Variants in SUCLG2 observed in about 807,000 individuals in gnomAD.
SUCLG2 encodes the protein succinate--CoA ligase [GDP-forming] subunit beta, mitochondrial.
SUCLG2 carries 42 observed loss-of-function variants against 47.9 expected under a neutral mutation model. The observed-to-expected ratio is 0.88, with a 90% CI of 0.69 to 1.14. The LOEUF is 1.14. SUCLG2 is among the 50% of genes most tolerant of loss of function. The probability of loss-of-function intolerance (pLI) is 0.00; values close to 1 mark genes in which losing one functional copy is unlikely to be tolerated. For missense variants in SUCLG2, 571 were observed against 525.9 expected, an observed-to-expected ratio of 1.09 and a Z score of -0.84; for synonymous variants, 195 against 197.3, an observed-to-expected ratio of 0.99 and a Z score of 0.10.
intron 4 of SUCLG2, among the ~76,000 whole-genome samples, chr3:67,523,923 A>G (rs1706189393): frequency 6.6e-6 from 1 of 152,216 alleles, no homozygotes; most frequent in Non-Finnish European, 1.5e-5. Flanking sequence ...AAAAATGTTG[A>G]CAGACGTGCT....
At chr3:67,473,139 T>C (rs531279015) in intron 9 of SUCLG2, among the ~76,000 whole-genome samples, 1 of 152,186 alleles carries the variant, frequency 6.6e-6, no homozygotes, top group South Asian at 2.1e-4. Flanking sequence ...CAAATTTTAA[T>C]AGTTGTTATT....
Position 67,475,639 on chromosome 3 carries a change from A to G in SUCLG2, c.1062+20159T>C, listed in dbSNP as rs140272184. Among the ~76,000 whole-genome samples, 11 of 152,262 alleles carry G rather than the reference A, an allele frequency of 7.2e-5. 1 individual carries two copies. In the East Asian group the frequency reaches 2.1e-3, roughly 29 times the overall value. On this transcript the variant is annotated intron_variant, in intron 9 of 10. Coordinates refer to ENST00000307227, the MANE Select transcript of SUCLG2 (RefSeq NM_003848.4). ...CATTCAGGTGCTATCACCCACTATG[A>G]CATACCGACTTTACATAGGCATTTT...
chr3:67,464,148 G>C (rs767177585), intron 9 of SUCLG2, among the ~76,000 whole-genome samples: 5 of 152,132 alleles, frequency 3.3e-5, no homozygotes, highest in Non-Finnish European at 7.3e-5. Flanking sequence ...TGAAAGTGAC[G>C]GTTTTCTAAT....
intron 2 of SUCLG2, among the ~76,000 whole-genome samples, chr3:67,583,774 A>C (rs1420257389): frequency 6.6e-6 from 1 of 152,206 alleles, no homozygotes; most frequent in Middle Eastern, 3.2e-3. Flanking sequence ...TGAAGCCAAC[A>C]ATGGTACATC....
At chr3:67,470,997 A>G (rs1356283584) in intron 9 of SUCLG2, among the ~76,000 whole-genome samples, 1 of 152,274 alleles carries the variant, frequency 6.6e-6, no homozygotes, top group Admixed American at 6.5e-5. Flanking sequence ...GTGATGGGTT[A>G]CGCAAAAAGG....
At chr3:67,386,903 C>A (rs1702271533) in intron 10 of SUCLG2, among the ~76,000 whole-genome samples, 1 of 152,196 alleles carries the variant, frequency 6.6e-6, no homozygotes, top group Admixed American at 6.5e-5. Context: ...TTTGACTCTG[C>A]TGGTGTACCC....
At chr3:67,453,137 T>C (rs1704097096) in intron 9 of SUCLG2, among the ~76,000 whole-genome samples, 1 of 152,166 alleles carries the variant, frequency 6.6e-6, no homozygotes, top group African/African-American at 2.4e-5. Context: ...ACACTGAATA[T>C]CAAATATTAT....
rs1296940105 is a variant in SUCLG2, at chr3:67,550,187, T to C, written c.227-21001A>G. 7.2e-5 allele frequency among the ~76,000 whole-genome samples: 11 copies of C among 152,342 alleles called. No individual in the cohort carries two copies. The East Asian group carries it at 1.4e-3, about 19-fold the overall frequency. On this transcript the variant is annotated intron_variant, in intron 2 of 10. Transcript: ENST00000307227. ...GACCTGCTCCATGCGGGTAACATGA[T>C]TGGTCTCTGTGAGACTCAGGCCACA...
intron 1 of SUCLG2, among the ~76,000 whole-genome samples, chr3:67,646,972 C>T (rs1277138457): frequency 1.3e-5 from 2 of 152,130 alleles, no homozygotes; most frequent in Admixed American, 6.5e-5. Flanking sequence ...AGCTTCATTA[C>T]CAGGCCTACC....
intron 9 of SUCLG2, among the ~76,000 whole-genome samples, chr3:67,478,764 G>A (rs975095892): frequency 9.2e-5 from 14 of 152,152 alleles, no homozygotes; most frequent in African/African-American, 3.1e-4. Context: ...CAAAGTACAC[G>A]AGTTCCTGAG....
chr3:67,435,203 T>C (rs1466205783), intron 9 of SUCLG2, among the ~76,000 whole-genome samples: 3 of 152,210 alleles, frequency 2.0e-5, no homozygotes, highest in African/African-American at 7.2e-5. Flanking sequence ...GACTGCAGTT[T>C]GCAACCTTGT....
intron 2 of SUCLG2, among the ~76,000 whole-genome samples, chr3:67,587,223 GCT>G (rs1349765357): frequency 1.3e-5 from 2 of 152,238 alleles, no homozygotes; most frequent in East Asian, 1.9e-4. Flanking sequence ...GTGACACTCG[GCT>G]CTGTTTGCCT....
intron 9 of SUCLG2, among the ~76,000 whole-genome samples, chr3:67,431,878 A>G (rs1703493733): frequency 6.6e-6 from 1 of 152,236 alleles, no homozygotes; most frequent in African/African-American, 2.4e-5. Context: ...TAGAACTTAA[A>G]GTATAATAAA....
rs182280717 is a variant in SUCLG2 at position 67,579,932 on chromosome 3, T to A, written c.226+29523A>T. On this transcript the variant is annotated intron_variant, in intron 2 of 10. Coordinates refer to ENST00000307227, the MANE Select transcript of SUCLG2 (RefSeq NM_003848.4). ...ACAGAAAGACACATTATTAAATATTTAAGTCACAGATGTCAGTCAGTACAA... is the reference window on the plus strand; with the variant it reads ...ACAGAAAGACACATTATTAAATATTAAAGTCACAGATGTCAGTCAGTACAA... Among the ~76,000 whole-genome samples the A allele has an allele frequency of 5.3e-5, 8 of 152,256 alleles. No individual in the cohort carries two copies. In the East Asian group the frequency reaches 1.5e-3, roughly 29 times the overall value.
At chr3:67,605,875 G>A (rs765553098) in intron 2 of SUCLG2, among the ~76,000 whole-genome samples, 2 of 151,552 alleles carry the variant, frequency 1.3e-5, no homozygotes, top group Non-Finnish European at 2.9e-5. Flanking sequence ...AGCCCAACAC[G>A]TCAATGCAAC....
chr3:67,510,346 AAACG>A (rs1325078112), intron 6 of SUCLG2, among the ~76,000 whole-genome samples: 2 of 152,252 alleles, frequency 1.3e-5, no homozygotes, highest in African/African-American at 4.8e-5. Flanking sequence ...TAGTAGATAT[AAACG>A]AACCCACATA....
At chr3:67,576,587 G>A (rs910235346) in intron 2 of SUCLG2, among the ~76,000 whole-genome samples, 1 of 152,184 alleles carries the variant, frequency 6.6e-6, no homozygotes, top group Non-Finnish European at 1.5e-5. Context: ...TTAGGGAAAT[G>A]TCAAGAACAC....
chr3:67,406,431 A>G (rs954914085), intron 9 of SUCLG2, among the ~76,000 whole-genome samples: 3 of 152,198 alleles, frequency 2.0e-5, no homozygotes, highest in African/African-American at 7.2e-5. Flanking sequence ...CTATGTGAGT[A>G]GCAGGACAGG....
intron 10 of SUCLG2, among the ~76,000 whole-genome samples, chr3:67,392,428 A>G (rs941970430): frequency 2.0e-5 from 3 of 152,242 alleles, no homozygotes; most frequent in Middle Eastern, 3.2e-3. Flanking sequence ...ACACGTAAAC[A>G]TTAGACAAAG....
Sources: allele counts gnomAD v4.1 joint callset (sites outside exome capture counted in the v4.1 genomes callset), GRCh38; gene constraint gnomAD v4.1.1; transcripts MANE v1.5; gene names NCBI Gene and HGNC (gene_info 2026-07-23, HGNC 2026-07-21).